SPECC1: variants seen among roughly 807,000 people sequenced by gnomAD.
The protein encoded by SPECC1 is sperm antigen with calponin homology and coiled-coil domains 1.
SPECC1 carries 62 observed loss-of-function variants against 104.1 expected under a neutral mutation model. The observed-to-expected ratio is 0.60, with a 90% confidence interval of 0.49 to 0.74. The LOEUF (loss-of-function observed/expected upper bound fraction) is 0.74. SPECC1 is among the 30% of genes least tolerant of loss of function. SPECC1 has a pLI of 0.00. For synonymous variants in SPECC1, 513 were observed against 501.6 expected (o/e 1.02, Z -0.30); for missense variants, 1,306 against 1,310.5 (o/e 1.00, Z 0.05).
At chr17:20,251,406 A>G (rs1483391938) in intron 9 of SPECC1, among the ~76,000 whole-genome samples, 1 of 152,126 alleles carries the variant, frequency 6.6e-6, no homozygotes, top group Non-Finnish European at 1.5e-5. Flanking sequence ...TAATGGTGAA[A>G]TATCGGATGC....
At chr17:20,036,449 C>G (rs1026104772) in intron 1 of SPECC1, among the ~76,000 whole-genome samples, 3 of 152,114 alleles carry the variant, frequency 2.0e-5, no homozygotes, top group African/African-American at 7.2e-5. Context: ...TGTTTTTAAA[C>G]TGACAGATAA....
chr17:20,165,035 T>C (rs759453101), intron 3 of SPECC1, among the ~76,000 whole-genome samples: 34 of 152,210 alleles, frequency 2.2e-4, no homozygotes, highest in Non-Finnish European at 4.6e-4. Context: ...TTAAGTTAAA[T>C]TTATTTTAAA....
At chr17:20,125,446 C>G (rs1567861520) in intron 3 of SPECC1, among the ~76,000 whole-genome samples, 1 of 152,204 alleles carries the variant, frequency 6.6e-6, no homozygotes. Flanking sequence ...ACCCTCTGAA[C>G]ACATTTTTAA....
At chr17:20,175,226 C>A (rs995626318) in intron 3 of SPECC1, among the ~76,000 whole-genome samples, 2 of 152,182 alleles carry the variant, frequency 1.3e-5, no homozygotes, top group Admixed American at 6.5e-5. Context: ...ACGTTAGAAC[C>A]CCTCACCACC....
chr17:20,027,800 G>GC (rs1397277483), intron 1 of SPECC1, among the ~76,000 whole-genome samples: 2 of 152,120 alleles, frequency 1.3e-5, no homozygotes, highest in African/African-American at 4.8e-5. Context: ...GGTTACTGTT[G>GC]CTTTGAAGTC....
intron 1 of SPECC1, among the ~76,000 whole-genome samples, chr17:20,039,222 T>C (rs544323801): frequency 6.6e-6 from 1 of 152,326 alleles, no homozygotes; most frequent in Non-Finnish European, 1.5e-5. Flanking sequence ...AGAATGTTTA[T>C]TTTGCTATTG....
intron 3 of SPECC1, among the ~76,000 whole-genome samples, chr17:20,166,146 T>G (rs1373452333): frequency 2.6e-5 from 4 of 152,222 alleles, no homozygotes; most frequent in Non-Finnish European, 4.4e-5. Context: ...GGACCTTTTA[T>G]ATTGATAAAA....
At chr17:20,039,620 T>G (rs2045241027) in intron 1 of SPECC1, among the ~76,000 whole-genome samples, 1 of 152,134 alleles carries the variant, frequency 6.6e-6, no homozygotes, top group South Asian at 2.1e-4. Context: ...AGTGGCGCAA[T>G]CTTGGCCCAC....
intron 3 of SPECC1, among the ~76,000 whole-genome samples, chr17:20,136,051 C>T (rs1473759606): frequency 6.6e-6 from 1 of 152,084 alleles, no homozygotes; most frequent in Non-Finnish European, 1.5e-5. Flanking sequence ...GTAGAAAGGG[C>T]CTACACACCC....
intron 4 of SPECC1, among the ~76,000 whole-genome samples, chr17:20,226,716 C>T (rs868618637): frequency 4.6e-5 from 7 of 152,110 alleles, no homozygotes; most frequent in East Asian, 1.9e-4. Context: ...GCGATTGTGC[C>T]GTGCCACTTT....
At chr17:20,013,537 T>C (rs1251550577) in intron 1 of SPECC1, among the ~76,000 whole-genome samples, 1 of 152,218 alleles carries the variant, frequency 6.6e-6, no homozygotes, top group Admixed American at 6.5e-5. Flanking sequence ...AGTCTTGCTC[T>C]ATCGTCCAGG....
intron 12 of SPECC1, among the ~76,000 whole-genome samples, chr17:20,277,755 C>T (rs1193046604): frequency 2.6e-5 from 4 of 152,138 alleles, no homozygotes; most frequent in Non-Finnish European, 4.4e-5. Context: ...CCGCCCTCAG[C>T]GCCTAACCAC....
chr17:20,050,624 T>C (rs1470472753), intron 1 of SPECC1, among the ~76,000 whole-genome samples: 1 of 152,218 alleles, frequency 6.6e-6, no homozygotes, highest in East Asian at 1.9e-4. Context: ...TACTTTGAAT[T>C]GATTTTGCTG....
At chr17:20,137,308 C>T (rs938750766) in intron 3 of SPECC1, among the ~76,000 whole-genome samples, 1 of 152,210 alleles carries the variant, frequency 6.6e-6, no homozygotes, top group Non-Finnish European at 1.5e-5. Context: ...GTCTTAGCCT[C>T]TTGGAGGAGC....
At chr17:20,136,379 C>A (rs1177267530) in intron 3 of SPECC1, among the ~76,000 whole-genome samples, 1 of 150,392 alleles carries the variant, frequency 6.6e-6, no homozygotes, top group Non-Finnish European at 1.5e-5. Flanking sequence ...TAGCCAAGAT[C>A]ACGCCACTGC....
intron 3 of SPECC1, among the ~76,000 whole-genome samples, chr17:20,133,147 C>G (rs1261699873): frequency 6.6e-6 from 1 of 152,070 alleles, no homozygotes; most frequent in Non-Finnish European, 1.5e-5. Flanking sequence ...TATATTCTTT[C>G]TCTTTTTTTG....
intron 3 of SPECC1, among the ~76,000 whole-genome samples, chr17:20,167,274 A>AT (rs1187879441): frequency 4.0e-5 from 6 of 151,296 alleles, no homozygotes; most frequent in African/African-American, 1.5e-4. Flanking sequence ...AGAATAAAAA[A>AT]TAGAAAATCT....
intron 7 of SPECC1, chr17:20,236,934 G>C (rs547335614): frequency 1.2e-6 from 2 of 1,612,682 alleles, no homozygotes; most frequent in Non-Finnish European, 1.7e-6. Context: ...ATTGGGAGCC[G>C]CAGCCATCTC....
At position 20,183,945 on chromosome 17, in the gene SPECC1, C is replaced by T. The variant is rs549970743; in HGVS notation, c.284-20388C>T. On this transcript the variant is annotated intron_variant, in intron 3 of 14. Transcript: ENST00000395527. ...TAGTACTTTGGGAGGCCGAGGCAGG[C>T]GGATTGTCTGAGCTCAGGAGTTCGA... 9.3e-5 allele frequency among the ~76,000 whole-genome samples: 14 copies of T among 151,154 alleles called. No individual in the cohort carries two copies. In the East Asian group the frequency reaches 1.2e-3, roughly 13 times the overall value.
Sources: gnomAD v4.1 joint callset for allele counts (sites outside exome capture counted in the v4.1 genomes callset) on GRCh38, gnomAD v4.1.1 for gene constraint, MANE v1.5 for transcripts, NCBI Gene and HGNC (gene_info 2026-07-23, HGNC 2026-07-21) for gene names.